The following NTMT2 variants were observed in gnomAD, a reference collection of about 807,000 sequenced individuals.
NTMT2 encodes X-Pro-Lys N-terminal protein methyltransferase 1B.
Under a neutral mutation model 23.4 loss-of-function variants are expected in NTMT2, and 21 were observed. That is an observed-to-expected ratio of 0.90 (90% CI 0.64 to 1.29). The LOEUF (loss-of-function observed/expected upper bound fraction) is 1.29, where lower values mean the gene tolerates loss of function less well. NTMT2 is among the 50% of genes most tolerant of loss of function. The pLI is 0.00. For missense variants in NTMT2, 336 were observed against 352.0 expected (o/e 0.95, Z 0.36); for synonymous variants, 131 against 127.7 (o/e 1.03, Z -0.17).
intron 1 of NTMT2, among the ~76,000 whole-genome samples, chr1:170,158,369 A>G (rs1205082063): frequency 6.6e-6 from 1 of 152,034 alleles, no homozygotes; most frequent in East Asian, 1.9e-4. Context: ...TTTCAGGCAT[A>G]CTCATACCAA....
chr1:170,158,612 GAATTTTCTTCTATTACTTTCTTTAAT>G (rs1447592883), intron 1 of NTMT2, among the ~76,000 whole-genome samples: 3 of 151,702 alleles, frequency 2.0e-5, no homozygotes, highest in African/African-American at 7.2e-5. Context: ...CAGCTCCAGG[GAATTTTCTTCTATTACTTTCTTTAAT>G]AATTTTCTTC....
chr1:170,151,027 A>C (rs1673058375), intron 1 of NTMT2, among the ~76,000 whole-genome samples: 2 of 152,194 alleles, frequency 1.3e-5, no homozygotes, highest in South Asian at 4.1e-4. Flanking sequence ...ATTATTGAGC[A>C]AAAGTCTATT....
intron 1 of NTMT2, chr1:170,151,250 T>C (rs1673063175): frequency 6.5e-6 from 1 of 153,122 alleles, no homozygotes; most frequent in Non-Finnish European, 1.5e-5. Context: ...TCTTATATAA[T>C]CATTGTGATA....
intron 1 of NTMT2, among the ~76,000 whole-genome samples, chr1:170,149,119 T>G (rs139191429): frequency 7.9e-5 from 12 of 152,380 alleles, no homozygotes; most frequent in African/African-American, 2.9e-4. Flanking sequence ...GTATTGTGCA[T>G]TAGAAAGGAT....
intron 2 of NTMT2, among the ~76,000 whole-genome samples, chr1:170,166,146 T>C (rs113990833): frequency 3.5e-4 from 48 of 137,194 alleles, no homozygotes; most frequent in African/African-American, 1.3e-3. Flanking sequence ...TTTTCTTTTT[T>C]TTTTTTTTTT....
At chr1:170,146,315 A>C (rs2102227237) in intron 1 of NTMT2, 54 bp downstream of exon 1, 5 of 1,495,364 alleles carry the variant, frequency 3.3e-6, no homozygotes, top group Non-Finnish European at 4.5e-6. Flanking sequence ...ATGGGATTGC[A>C]TGAGGTCATG....
intron 2 of NTMT2, among the ~76,000 whole-genome samples, chr1:170,163,170 T>C (rs1332823255): frequency 6.6e-6 from 1 of 152,178 alleles, no homozygotes; most frequent in Non-Finnish European, 1.5e-5. Flanking sequence ...GAAACAAATA[T>C]AAGGAGTCCT....
chr1:170,151,159 C>T lies in NTMT2; in HGVS notation c.154+4898C>T, dbSNP rs531031268. ...GGCATGTGCTAGGACCTGGTTATGA[C>T]GTTTCTTTTCTATGTGATATTAAGT... On this transcript the variant is annotated intron_variant, in intron 1 of 3. Coordinates refer to ENST00000439373, the MANE Select transcript of NTMT2 (RefSeq NM_001136107.2). Among the ~76,000 whole-genome samples the T allele has an allele frequency of 1.6e-3, 244 of 152,074 alleles. 8 individuals carry two copies. In the South Asian group the frequency reaches 0.043, roughly 27 times the overall value.
At chr1:170,146,375 A>C (rs1404770180) in intron 1 of NTMT2, 114 bp downstream of exon 1, 11 of 982,378 alleles carry the variant, frequency 1.1e-5, no homozygotes, top group Non-Finnish European at 1.2e-5. Flanking sequence ...GACAAAAAAA[A>C]CTCCACAACC....
At position 170,160,592 on chromosome 1, in the gene NTMT2, C is replaced by T; in HGVS notation, c.229C>T (p.Gln77Ter). Residue 77 changes from glutamine (Q) to a stop codon, truncating the protein, a stop_gained, in exon 2 of 4, where the codon CAA (glutamine) becomes TAA (stop). Transcript: ENST00000439373. LOFTEE classifies it high-confidence loss of function. ...CTATGCCAGAGCTAAACTTTTCTAC[C>T]AAGAAGTACCAGCCACAGAAGAGGG... ...QFYARAKLFYQEVPATEEGMM... is the reference protein window; with the variant it reads ...QFYARAKLFY 6.4e-7 allele frequency: 1 copy of T among 1,551,354 alleles called. No homozygotes were observed.
intron 1 of NTMT2, among the ~76,000 whole-genome samples, chr1:170,152,901 T>A (rs1385751727): frequency 2.0e-5 from 3 of 152,184 alleles, no homozygotes; most frequent in African/African-American, 7.2e-5. Context: ...TGAAATGTAA[T>A]CCCCAGTGTT....
intron 1 of NTMT2, among the ~76,000 whole-genome samples, chr1:170,159,420 GGT>G (rs796406436): frequency 0.025 from 2,228 of 88,028 alleles, 61 homozygotes; most frequent in Non-Finnish European, 0.029. Context: ...TTTATGCTCT[GGT>G]TTTTTTTTTT....
At chr1:170,165,625 A>T (rs904682594) in intron 2 of NTMT2, among the ~76,000 whole-genome samples, 1 of 152,220 alleles carries the variant, frequency 6.6e-6, no homozygotes, top group Non-Finnish European at 1.5e-5. Context: ...ATTTGCCTAG[A>T]AAAGATAAAA....
chr1:170,157,464 A>G (rs1041801572), intron 1 of NTMT2, among the ~76,000 whole-genome samples: 5 of 152,160 alleles, frequency 3.3e-5, no homozygotes, highest in African/African-American at 7.2e-5. Flanking sequence ...CAGCAAATTC[A>G]TGGTGATTCA....
chr1:170,165,839 A>ATT (rs3040075), intron 2 of NTMT2, among the ~76,000 whole-genome samples: 4,676 of 146,044 alleles, frequency 0.032, 110 homozygotes, highest in Non-Finnish European at 0.05. Context: ...GCAATGGCTC[A>ATT]TTTTTTTTTT....
chr1:170,149,263 C>T (rs1673022930), intron 1 of NTMT2, among the ~76,000 whole-genome samples: 1 of 152,198 alleles, frequency 6.6e-6, no homozygotes, highest in Non-Finnish European at 1.5e-5. Flanking sequence ...TCTGTGAATA[C>T]TCAGATTTTT....
intron 1 of NTMT2, among the ~76,000 whole-genome samples, chr1:170,147,483 A>G (rs1672989332): frequency 6.6e-6 from 1 of 152,124 alleles, no homozygotes; most frequent in Non-Finnish European, 1.5e-5. Context: ...TTTTTGGTAG[A>G]TCACACTGCC....
chr1:170,160,570 T>A lies in NTMT2; in HGVS notation c.207T>A (p.Tyr69Ter). The A allele has an allele frequency of 1.3e-6, 2 of 1,551,380 alleles. No individual in the cohort carries two copies. The highest frequency in any genetic ancestry group is 1.7e-6 in the Non-Finnish European group (2 of 1,146,892). ...TCATCAATGGTGAGATGCAGTTCTA[T>A]GCCAGAGCTAAACTTTTCTACCAAG... ...SQVINGEMQF[Y>*]ARAKLFYQEV... is the part of the protein sequence containing the mutation. Residue 69 changes from tyrosine to a stop codon, truncating the protein, a stop_gained, in exon 2 of 4, where the codon TAT becomes TAA. Transcript: ENST00000439373. LOFTEE classifies it high-confidence loss of function.
chr1:170,156,524 A>G (rs2102235225), intron 1 of NTMT2, among the ~76,000 whole-genome samples: 1 of 152,286 alleles, frequency 6.6e-6, no homozygotes, highest in South Asian at 2.1e-4. Context: ...TATTACATTA[A>G]ATAAAAAACA....
Sources: allele counts gnomAD v4.1 joint callset (sites outside exome capture counted in the v4.1 genomes callset), GRCh38; gene constraint gnomAD v4.1.1; transcripts MANE v1.5; gene names NCBI Gene and HGNC (gene_info 2026-07-23, HGNC 2026-07-21).